Variants in PKP4 observed in about 807,000 individuals in gnomAD.
PKP4 encodes the protein plakophilin-4.
In PKP4, 90 loss-of-function variants were observed where a neutral mutation model predicts 145.1. The ratio of observed to expected loss-of-function variants is 0.62; its 90% CI spans 0.52 to 0.74. PKP4 has a LOEUF of 0.74. PKP4 is among the 30% of genes least tolerant of loss of function. PKP4 has a pLI of 0.00. For missense variants in PKP4, 1,340 were observed against 1,482.7 expected, an observed-to-expected ratio of 0.90 and a Z score of 1.58; for synonymous variants, 563 against 577.2, an observed-to-expected ratio of 0.98 and a Z score of 0.35.
chr2:158,677,189 G>T (rs937734786), intron 20 of PKP4: 8 of 366,304 alleles, frequency 2.2e-5, no homozygotes, highest in African/African-American at 1.7e-4. Flanking sequence ...GGCTCGAGCA[G>T]TCTCTGTGTT....
chr2:158,488,771 A>C (rs1473699904), intron 1 of PKP4, among the ~76,000 whole-genome samples: 1 of 152,218 alleles, frequency 6.6e-6, no homozygotes, highest in African/African-American at 2.4e-5. Context: ...ACAATATCTC[A>C]GTGTTACCAA....
At chr2:158,472,367 T>C (rs1055967774) in intron 1 of PKP4, among the ~76,000 whole-genome samples, 5 of 152,082 alleles carry the variant, frequency 3.3e-5, no homozygotes, top group African/African-American at 1.2e-4. Flanking sequence ...CCCAACACTT[T>C]GGGAGGCCGA....
At chr2:158,651,759 T>C (rs2055384996) in intron 11 of PKP4, among the ~76,000 whole-genome samples, 1 of 151,956 alleles carries the variant, frequency 6.6e-6, no homozygotes, top group Non-Finnish European at 1.5e-5. Flanking sequence ...GGTTGACTTG[T>C]TTCCTTCCAG....
At chr2:158,654,499 G>T (rs1411689202) in intron 11 of PKP4, among the ~76,000 whole-genome samples, 1 of 152,086 alleles carries the variant, frequency 6.6e-6, no homozygotes, top group Non-Finnish European at 1.5e-5. Context: ...TTATAATTTG[G>T]CAGCACTGTT....
chr2:158,672,247 G>A (rs1445181928), intron 17 of PKP4, among the ~76,000 whole-genome samples: 3 of 152,188 alleles, frequency 2.0e-5, no homozygotes, highest in Non-Finnish European at 4.4e-5. Context: ...AGAGAAGATG[G>A]GATGGTGGAA....
intron 1 of PKP4, among the ~76,000 whole-genome samples, chr2:158,518,033 A>G (rs977176456): frequency 1.3e-5 from 2 of 152,180 alleles, no homozygotes; most frequent in Non-Finnish European, 2.9e-5. Context: ...TTCAGGTAGT[A>G]TTGACTTATT....
At chr2:158,615,142 A>G (rs1366070126) in intron 4 of PKP4, among the ~76,000 whole-genome samples, 1 of 152,066 alleles carries the variant, frequency 6.6e-6, no homozygotes, top group Non-Finnish European at 1.5e-5. Context: ...TTTTTAACAA[A>G]AGGAATCTTA....
chr2:158,495,885 GGTATATAT>G (rs1288977435), intron 1 of PKP4, among the ~76,000 whole-genome samples: 3 of 148,606 alleles, frequency 2.0e-5, no homozygotes, highest in Non-Finnish European at 4.5e-5. Flanking sequence ...AAATAAGAGG[GGTATATAT>G]GTATATATTT....
At chr2:158,631,488 A>G (rs2053355219) in intron 7 of PKP4, among the ~76,000 whole-genome samples, 1 of 151,972 alleles carries the variant, frequency 6.6e-6, no homozygotes, top group Non-Finnish European at 1.5e-5. Context: ...GGTTCAAGCA[A>G]TCTTCCAGTT....
chr2:158,550,561 G>A (rs1443613979), intron 2 of PKP4, among the ~76,000 whole-genome samples: 2 of 152,162 alleles, frequency 1.3e-5, no homozygotes, highest in East Asian at 1.9e-4. Context: ...TTCTAGTCCT[G>A]CTGTTTGGCT....
intron 2 of PKP4, among the ~76,000 whole-genome samples, chr2:158,554,280 A>G (rs1024906665): frequency 3.3e-5 from 5 of 152,194 alleles, no homozygotes; most frequent in East Asian, 3.9e-4. Context: ...TGACTTCAGT[A>G]TCTACCTAGA....
intron 2 of PKP4, among the ~76,000 whole-genome samples, chr2:158,571,236 T>C (rs1372025108): frequency 6.6e-6 from 1 of 152,230 alleles, no homozygotes; most frequent in African/African-American, 2.4e-5. Context: ...CTGAGCTAGA[T>C]GGCTCGAGGC....
chr2:158,585,599 C>T (rs936649453), intron 3 of PKP4, among the ~76,000 whole-genome samples: 14 of 152,106 alleles, frequency 9.2e-5, no homozygotes, highest in African/African-American at 3.1e-4. Flanking sequence ...ATAATGTATT[C>T]TTTAGAAAAT....
intron 2 of PKP4, among the ~76,000 whole-genome samples, chr2:158,554,861 A>T (rs1308805210): frequency 6.6e-6 from 1 of 152,192 alleles, no homozygotes; most frequent in Non-Finnish European, 1.5e-5. Context: ...AAAAATCAAA[A>T]TGCCACACCT....
chr2:158,566,479 A>AAT (rs561964313), intron 2 of PKP4, among the ~76,000 whole-genome samples: 10 of 151,246 alleles, frequency 6.6e-5, no homozygotes, highest in Middle Eastern at 3.4e-3. Context: ...ATAATTTTGA[A>AAT]ATATATATAT....
At chr2:158,460,996 G>C (rs1005500505) in intron 1 of PKP4, among the ~76,000 whole-genome samples, 1 of 152,196 alleles carries the variant, frequency 6.6e-6, no homozygotes, top group African/African-American at 2.4e-5. Context: ...GTGGATGTAA[G>C]CTTTCATTCT....
chr2:158,566,389 C>T (rs964213455), intron 2 of PKP4, among the ~76,000 whole-genome samples: 4 of 151,902 alleles, frequency 2.6e-5, no homozygotes, highest in Non-Finnish European at 4.4e-5. Context: ...ATGATTTATG[C>T]GGACTATTAT....
intron 1 of PKP4, among the ~76,000 whole-genome samples, chr2:158,490,002 C>T (rs764458139): frequency 1.5e-4 from 23 of 152,088 alleles, no homozygotes; most frequent in Non-Finnish European, 2.4e-4. Context: ...AGCTCTTGGT[C>T]ATTATTAAGA....
chr2:158,519,159 T>C (rs2042151754), intron 1 of PKP4, among the ~76,000 whole-genome samples: 1 of 151,862 alleles, frequency 6.6e-6, no homozygotes, highest in Non-Finnish European at 1.5e-5. Context: ...TTTTTTTTAA[T>C]TGTTGTTTCT....
Sources: gnomAD v4.1 joint callset for allele counts (sites outside exome capture counted in the v4.1 genomes callset) on GRCh38, gnomAD v4.1.1 for gene constraint, MANE v1.5 for transcripts, NCBI Gene and HGNC (gene_info 2026-07-23, HGNC 2026-07-21) for gene names.